Variants in EIF4G3 observed in about 807,000 individuals in gnomAD.
EIF4G3 encodes the protein eIF-4-gamma 3.
In EIF4G3, 34 loss-of-function variants were observed where a neutral mutation model predicts 186.4. That is an observed-to-expected ratio of 0.18 (90% CI 0.14 to 0.24). The LOEUF (loss-of-function observed/expected upper bound fraction) is 0.24. EIF4G3 is among the 10% of genes least tolerant of loss of function. The pLI is 1.00. For missense variants in EIF4G3, 1,536 were observed against 1,948.5 expected (o/e 0.79, Z 3.99); for synonymous variants, 673 against 679.5 (o/e 0.99, Z 0.15).
At chr1:21,074,901 C>T (rs1217901655) in intron 3 of EIF4G3, among the ~76,000 whole-genome samples, 1 of 152,060 alleles carries the variant, frequency 6.6e-6, no homozygotes, top group Non-Finnish European at 1.5e-5. Flanking sequence ...ACAGCAAGAC[C>T]CTGCCTCTAC....
intron 5 of EIF4G3, 60 bp downstream of exon 5, chr1:21,002,653 C>A (rs1402874128): frequency 2.6e-6 from 4 of 1,552,452 alleles, no homozygotes; most frequent in East Asian, 2.3e-5. Flanking sequence ...GAAACCCAAG[C>A]CACTACACAC....
At chr1:21,075,311 G>A (rs775525438) in intron 3 of EIF4G3, among the ~76,000 whole-genome samples, 2 of 152,044 alleles carry the variant, frequency 1.3e-5, no homozygotes, top group African/African-American at 2.4e-5. Flanking sequence ...GCTCATGTCT[G>A]TAATCCCAGC....
intron 31 of EIF4G3, 149 bp from the exon 32 acceptor site, chr1:20,827,847 T>C (rs1048288939): frequency 2.6e-5 from 12 of 469,804 alleles, no homozygotes; most frequent in Non-Finnish European, 4.3e-5. Flanking sequence ...TCTAAGTCAT[T>C]TTCAGGAGAA....
intron 31 of EIF4G3, 111 bp from the exon 32 acceptor site, chr1:20,827,809 C>T (rs1557810970): frequency 1.7e-6 from 1 of 589,296 alleles, no homozygotes; most frequent in Non-Finnish European, 3.0e-6. Context: ...CTACATAATA[C>T]TGGGCAAGCC....
chr1:20,898,036 T>C (rs2088927316), intron 16 of EIF4G3, among the ~76,000 whole-genome samples: 1 of 152,170 alleles, frequency 6.6e-6, no homozygotes, highest in Admixed American at 6.5e-5. Context: ...CTCTGTGACC[T>C]GGTACAAGCC....
In EIF4G3 at chr1:20,879,470, C is replaced by T; in HGVS notation, c.2475G>A (p.Met825Ile). The T allele has an allele frequency of 1.9e-6, 3 of 1,544,710 alleles. No individual in the cohort carries two copies. The highest frequency in any genetic ancestry group is 2.6e-6 in the Non-Finnish European group (3 of 1,145,326). Residue 825 changes from methionine (M) to isoleucine (I), a missense_variant, in exon 20 of 37, where the codon ATG becomes ATA. Met to Ile is a conservative substitution (Grantham distance 10). Coordinates refer to ENST00000602326, the MANE Select transcript of EIF4G3 (RefSeq NM_001391906.1). ...ACACTTGCTTCATCAGTTGATTGAA[C>T]ATCTGTGGTGTCAATTTATTTAAGA... The part of the protein sequence containing the change: ...RSILNKLTPQ[M>I]FNQLMKQVSG...
At chr1:21,029,087 G>A (rs1216211459) in intron 4 of EIF4G3, among the ~76,000 whole-genome samples, 3 of 151,862 alleles carry the variant, frequency 2.0e-5, no homozygotes, top group South Asian at 2.1e-4. Context: ...GCGTGATCCC[G>A]GCTCACTGCA....
intron 3 of EIF4G3, among the ~76,000 whole-genome samples, chr1:21,058,619 C>G (rs1307371904): frequency 6.6e-6 from 1 of 151,546 alleles, no homozygotes; most frequent in Non-Finnish European, 1.5e-5. Flanking sequence ...CTCCATCTCC[C>G]AGGCTTAAGT....
chr1:21,067,098 A>G (rs2095269105), intron 3 of EIF4G3, among the ~76,000 whole-genome samples: 1 of 151,442 alleles, frequency 6.6e-6, no homozygotes, highest in Non-Finnish European at 1.5e-5. Flanking sequence ...AAAAGTAATC[A>G]GGTAAATACA....
intron 2 of EIF4G3, among the ~76,000 whole-genome samples, chr1:21,114,965 C>A (rs892034211): frequency 1.3e-5 from 2 of 152,132 alleles, no homozygotes; most frequent in African/African-American, 4.8e-5. Flanking sequence ...GAGTTCTAGA[C>A]CAACCTGGGC....
rs1158032887 is a variant in EIF4G3 at position 20,864,766 on chromosome 1, A to AT, written c.2770-55dup. ...TTGATGATGAAAGTTGTACTGCACA[A>AT]TAAACACTGAGATTCATGGGGTCAG... On this transcript the variant is annotated intron_variant, in intron 21 of 36. Transcript: ENST00000602326. 4.3e-6 allele frequency: 6 copies of AT among 1,381,404 alleles called. No individual in the cohort carries two copies. In the East Asian group the frequency reaches 1.4e-4, roughly 32 times the overall value. 85.6% of individuals were successfully genotyped at this position (1,381,404 alleles called of 1,614,324 possible).
chr1:21,021,127 G>A (rs2090574077), intron 4 of EIF4G3, among the ~76,000 whole-genome samples: 1 of 152,128 alleles, frequency 6.6e-6, no homozygotes, highest in Non-Finnish European at 1.5e-5. Flanking sequence ...GGGACTATGG[G>A]TATGCACCAC....
chr1:20,866,582 G>A (rs2077613907), intron 20 of EIF4G3, among the ~76,000 whole-genome samples: 1 of 152,146 alleles, frequency 6.6e-6, no homozygotes, highest in South Asian at 2.1e-4. Context: ...ACACAAGTCA[G>A]CCTTCAAGAA....
At chr1:21,071,899 C>G (rs374700593) in intron 3 of EIF4G3, among the ~76,000 whole-genome samples, 149 of 151,146 alleles carry the variant, frequency 9.9e-4, no homozygotes, top group African/African-American at 3.3e-3. Context: ...AAGTTAAAGA[C>G]AGAGAGAGAG....
At chr1:21,166,813 A>G (rs1184880433) in intron 2 of EIF4G3, among the ~76,000 whole-genome samples, 1 of 151,922 alleles carries the variant, frequency 6.6e-6, no homozygotes, top group East Asian at 1.9e-4. Flanking sequence ...ACAGGGTCTC[A>G]CTCTGTCACC....
At chr1:21,104,731 A>G (rs2101928005) in intron 2 of EIF4G3, among the ~76,000 whole-genome samples, 1 of 152,376 alleles carries the variant, frequency 6.6e-6, no homozygotes, top group South Asian at 2.1e-4. Context: ...CCAAAGGAAT[A>G]TAAATCGTTC....
chr1:20,864,750 A>C (rs773627379), intron 21 of EIF4G3, 38 bp from the exon 22 acceptor site: 1 of 1,501,364 alleles, frequency 6.7e-7, no homozygotes, highest in Non-Finnish European at 9.2e-7. Context: ...CTTGATGATG[A>C]AAGTTGTACT....
chr1:21,152,512 T>C (rs536604474), intron 2 of EIF4G3, among the ~76,000 whole-genome samples: 64 of 151,676 alleles, frequency 4.2e-4, no homozygotes, highest in Admixed American at 1.7e-3. Context: ...ATGAAGCTTC[T>C]TTATAAAAGT....
rs193249130 is a variant in EIF4G3 at position 20,844,054 on chromosome 1, C to T, written c.3889-3026G>A. ...ACCGCATTTTCTTTATCCACTCTAT[C>T]GTTGATGGGCATTTAGGTTGATTGC... On this transcript the variant is annotated intron_variant, in intron 29 of 36. Transcript: ENST00000602326. Among the ~76,000 whole-genome samples the T allele has an allele frequency of 1.8e-3, 267 of 152,244 alleles. 4 individuals are homozygous for T. The highest frequency in any genetic ancestry group is 1.9e-4 in the Non-Finnish European group (13 of 68,016).
Sources: allele counts gnomAD v4.1 joint callset (sites outside exome capture counted in the v4.1 genomes callset), GRCh38; gene constraint gnomAD v4.1.1; transcripts MANE v1.5; gene names NCBI Gene and HGNC (gene_info 2026-07-23, HGNC 2026-07-21).